KDM2B: variants seen among roughly 807,000 people sequenced by gnomAD.
The protein encoded by KDM2B is lysine-specific demethylase 2B.
Under a neutral mutation model 150.0 loss-of-function variants are expected in KDM2B, and 26 were observed. The ratio of observed to expected loss-of-function variants is 0.17; its 90% CI spans 0.13 to 0.24. The LOEUF (loss-of-function observed/expected upper bound fraction) is 0.24, where lower values mean the gene tolerates loss of function less well. KDM2B is among the 10% of genes least tolerant of loss of function. KDM2B has a pLI of 1.00. For missense variants in KDM2B, 1,265 were observed against 1,816.9 expected (o/e 0.70, Z 5.52); for synonymous variants, 734 against 729.5 (o/e 1.01, Z -0.10).
At chr12:121,482,529 G>A (rs1272177694) in intron 12 of KDM2B, among the ~76,000 whole-genome samples, 2 of 151,820 alleles carry the variant, frequency 1.3e-5, no homozygotes, top group African/African-American at 4.8e-5. Context: ...CTCAATCTCC[G>A]GACCTCGTGA....
At chr12:121,540,710 C>T (rs1315478484) in intron 6 of KDM2B, among the ~76,000 whole-genome samples, 1 of 143,046 alleles carries the variant, frequency 7.0e-6, no homozygotes, top group Non-Finnish European at 1.5e-5. Flanking sequence ...GCCGAGATTG[C>T]ATCACCGGCA....
Position 121,474,375 on chromosome 12 carries a change from G to C in KDM2B, c.1734+20204C>G, listed in dbSNP as rs552155295. Among the ~76,000 whole-genome samples the C allele has an allele frequency of 3.2e-4, 49 of 152,222 alleles. No homozygotes were observed. In the East Asian group the frequency reaches 8.1e-3, roughly 25 times the overall value. On this transcript the variant is annotated intron_variant, in intron 12 of 22. Transcript: ENST00000377071. The stretch of plus-strand genomic sequence containing the variant: ...TAAAAAATACAAAAAAATTAGCTGG[G>C]CGCGGTAGCGGGTGCCTGTAGTCCC...
At chr12:121,466,276 G>A (rs1014440101) in intron 12 of KDM2B, among the ~76,000 whole-genome samples, 1 of 152,178 alleles carries the variant, frequency 6.6e-6, no homozygotes, top group East Asian at 1.9e-4. Context: ...TTAATTCCTC[G>A]GACAGGTCTA....
chr12:121,557,298 T>G (rs540653245), intron 4 of KDM2B, among the ~76,000 whole-genome samples: 1 of 143,264 alleles, frequency 7.0e-6, no homozygotes, highest in East Asian at 2.1e-4. Context: ...AGTTCAGTGG[T>G]ACAATCTCAG....
chr12:121,580,608 G>A, intron 1 of KDM2B, 178 bp downstream of exon 1: 1 of 1,051,888 alleles, frequency 9.5e-7, no homozygotes, highest in Non-Finnish European at 1.3e-6. Context: ...CGGGGAGGGA[G>A]GTGCAGATTT....
the KDM2B span, among the ~76,000 whole-genome samples, chr12:121,421,387 A>AT: frequency 6.7e-6 from 1 of 150,060 alleles, no homozygotes; most frequent in South Asian, 2.1e-4. Flanking sequence ...AAAAAAAAAA[A>AT]AAAAAAAAAA....
At chr12:121,426,594 C>A (rs1555284269), downstream of KDM2B, among the ~76,000 whole-genome samples, 1 of 150,592 alleles carries the variant, frequency 6.6e-6, no homozygotes, top group Admixed American at 6.6e-5. Context: ...ATAATGCATA[C>A]CACCATGCCT....
rs184037963 is a variant in KDM2B at position 121,516,688 on chromosome 12, C to T, written c.1048-3286G>A. ...GTCTACCAGAGGACCTCAGGGCCCA[C>T]TCAGCGGCACCTGGCCTCAGCCCTT... On this transcript the variant is annotated intron_variant, in intron 9 of 22. Coordinates refer to ENST00000377071, the MANE Select transcript of KDM2B (RefSeq NM_032590.5). The T allele has an allele frequency of 1.3e-5, 8 of 629,844 alleles. No individual in the cohort carries two copies. In the East Asian group the frequency reaches 1.4e-4, roughly 11 times the overall value. The allele number at this position is 629,844 out of a possible 1,614,324, so 39.0% of individuals were successfully genotyped here.
In KDM2B at chr12:121,453,756, G is replaced by A. The variant is rs1877744537; in HGVS notation, c.1735-412C>T. ...AGAGCCCGCAGAGCCAGCCCGGCCC[G>A]CCAGCCCACACCTTGACTTCAGACT... is the stretch of plus-strand genomic sequence containing the variant. On this transcript the variant is annotated intron_variant, in intron 12 of 22. Coordinates refer to ENST00000377071, the MANE Select transcript of KDM2B (RefSeq NM_032590.5). The surrounding 1 kb of genome is among the most constrained non-coding windows in gnomAD (Gnocchi z 6.4). Among the ~76,000 whole-genome samples the A allele has an allele frequency of 6.6e-6, 1 of 152,148 alleles. No homozygotes were observed. Among genetic ancestry groups the A allele is most frequent in the African/African-American group, 2.4e-5 (1 of 41,420 alleles).
At chr12:121,541,190 C>A (rs1555309709) in intron 6 of KDM2B, among the ~76,000 whole-genome samples, 1 of 151,896 alleles carries the variant, frequency 6.6e-6, no homozygotes, top group Non-Finnish European at 1.5e-5. Flanking sequence ...AGAGCTCGCA[C>A]CATTGCACTC....
intron 6 of KDM2B, chr12:121,536,156 AGGC>A (rs1211830286): frequency 2.1e-6 from 2 of 950,210 alleles, no homozygotes; most frequent in African/African-American, 3.5e-5. Flanking sequence ...GCTGGTTAGA[AGGC>A]GGAGGGCTCC....
At chr12:121,534,076 A>G (rs146229252) in intron 7 of KDM2B, among the ~76,000 whole-genome samples, 5,714 of 152,218 alleles carry the variant, frequency 0.038, 162 homozygotes, top group Middle Eastern at 0.058. Flanking sequence ...AAAGCCGGGC[A>G]CAGTGGCTCA....
Position 121,452,369 on chromosome 12 carries a change from G to T in KDM2B, c.1959+751C>A, listed in dbSNP as rs183723326. Among the ~76,000 whole-genome samples, 1 of 152,194 alleles carries T rather than the reference G, an allele frequency of 6.6e-6. No individual in the cohort carries two copies. Among genetic ancestry groups the T allele is most frequent in the East Asian group, 1.9e-4 (1 of 5,190 alleles). Reference sequence around the variant, plus strand: ...GAGGTGTCTGGGCCTGCGGGGCATCGACAGCCAAGGAGGAAGGGCTCACCC... The same window carrying T: ...GAGGTGTCTGGGCCTGCGGGGCATCTACAGCCAAGGAGGAAGGGCTCACCC... On this transcript the variant is annotated intron_variant, in intron 13 of 22. Transcript: ENST00000377071. This position sits in a 1 kb window ranked among gnomAD's most constrained non-coding sequence, Gnocchi z 4.4.
downstream of KDM2B, among the ~76,000 whole-genome samples, chr12:121,427,431 A>G (rs556691221): frequency 2.6e-5 from 4 of 152,314 alleles, no homozygotes; most frequent in Non-Finnish European, 5.9e-5. Context: ...AGTCCCAACT[A>G]CTGGGGAGGC....
At chr12:121,493,295 T>A (rs567047898) in intron 12 of KDM2B, among the ~76,000 whole-genome samples, 11 of 151,956 alleles carry the variant, frequency 7.2e-5, no homozygotes, top group African/African-American at 2.4e-4. Flanking sequence ...TCACAAATAA[T>A]ATTTAGAGTG....
chr12:121,547,219 C>T (rs1300720240), intron 6 of KDM2B, among the ~76,000 whole-genome samples: 4 of 152,128 alleles, frequency 2.6e-5, no homozygotes, highest in Non-Finnish European at 4.4e-5. Context: ...AATTTTGCTG[C>T]GACTGAATCC....
chr12:121,447,571 A>G (rs1555290605), intron 13 of KDM2B, among the ~76,000 whole-genome samples: 2 of 152,138 alleles, frequency 1.3e-5, no homozygotes, highest in East Asian at 1.9e-4. Flanking sequence ...TGAATCAGAC[A>G]TAACAGAGAT....
rs571133272 is a variant in KDM2B, at chr12:121,457,668, G to A, written c.1735-4324C>T. On this transcript the variant is annotated intron_variant, in intron 12 of 22. Transcript: ENST00000377071. The stretch of plus-strand genomic sequence containing the variant: ...GAACCAGCATCCCCAACACCAAGGC[G>A]ACTTGTTGATTTTATCAGCCCAGGA... 5.3e-5 allele frequency among the ~76,000 whole-genome samples: 8 copies of A among 151,726 alleles called. No homozygotes were observed. The East Asian group carries it at 1.2e-3, about 22-fold the overall frequency.
Position 121,439,896 on chromosome 12 carries a change from T to C in KDM2B, c.3790A>G (p.Thr1264Ala). 3 of 1,614,094 alleles carry C rather than the reference T, an allele frequency of 1.9e-6. No individual in the cohort carries two copies. The highest frequency in any genetic ancestry group is 2.5e-6 in the Non-Finnish European group (3 of 1,180,010). ...TCGGTTAAGGAGTCTCGGGTGGTGG[T>C]GCCAACAGCAGTGAGCAGGTTGATA... is the stretch of plus-strand genomic sequence containing the variant. ...QSINLLTAVG[T>A]TTRDSLTEIN... The change falls in exon 22 of 23, where the codon ACC becomes GCC. Residue 1264 changes from threonine to alanine, a missense_variant. By Grantham distance (58) the Thr-to-Ala change is moderately conservative. Transcript: ENST00000377071.
Sources: gnomAD v4.1 joint callset for allele counts (sites outside exome capture counted in the v4.1 genomes callset) on GRCh38, gnomAD v4.1.1 for gene constraint, Gnocchi (gnomAD v3.1) non-coding constraint, MANE v1.5 for transcripts, NCBI Gene and HGNC (gene_info 2026-07-23, HGNC 2026-07-21) for gene names.